The following SGMS1 variants were observed in gnomAD, a reference collection of about 807,000 sequenced individuals.
SGMS1 encodes sphingomyelin synthase 1.
Under a neutral mutation model 46.2 loss-of-function variants are expected in SGMS1, and 13 were observed. The observed-to-expected ratio is 0.28, with a 90% CI of 0.18 to 0.45. The LOEUF is 0.45. Ranked by LOEUF, SGMS1 falls within the 20% of genes least tolerant of loss-of-function variation. The pLI is 1.00. For missense variants in SGMS1, 324 were observed against 519.9 expected, an observed-to-expected ratio of 0.62 and a Z score of 3.66; for synonymous variants, 203 against 187.8, an observed-to-expected ratio of 1.08 and a Z score of -0.66.
intron 6 of SGMS1, among the ~76,000 whole-genome samples, chr10:50,391,074 A>G (rs1848758292): frequency 6.6e-6 from 1 of 152,230 alleles, no homozygotes; most frequent in Non-Finnish European, 1.5e-5. Context: ...CATCTCCAAG[A>G]CCTGGTCAGA....
chr10:50,618,954 ACTTT>A (rs1019682020), intron 1 of SGMS1, among the ~76,000 whole-genome samples: 3 of 152,118 alleles, frequency 2.0e-5, no homozygotes, highest in Non-Finnish European at 4.4e-5. Context: ...TGTGGACCAT[ACTTT>A]AAGAACCACT....
At chr10:50,471,903 T>A (rs1304582238) in intron 3 of SGMS1, among the ~76,000 whole-genome samples, 1 of 152,184 alleles carries the variant, frequency 6.6e-6, no homozygotes, top group Non-Finnish European at 1.5e-5. Flanking sequence ...CCTAGCTTCT[T>A]CGCGGGCAAG....
At chr10:50,489,096 G>C (rs1453683619) in intron 3 of SGMS1, among the ~76,000 whole-genome samples, 1 of 152,222 alleles carries the variant, frequency 6.6e-6, no homozygotes, top group African/African-American at 2.4e-5. Flanking sequence ...GACAAAGAGA[G>C]AGGATGTATT....
intron 8 of SGMS1, among the ~76,000 whole-genome samples, chr10:50,320,994 G>C (rs1278728522): frequency 6.6e-6 from 1 of 152,198 alleles, no homozygotes; most frequent in Non-Finnish European, 1.5e-5. Context: ...CTTATATATT[G>C]TGTGTCCTCA....
intron 2 of SGMS1, among the ~76,000 whole-genome samples, chr10:50,552,654 GC>G (rs1838158194): frequency 6.6e-6 from 1 of 152,174 alleles, no homozygotes; most frequent in Non-Finnish European, 1.5e-5. Flanking sequence ...ATTAATATTT[GC>G]CACTGTAGTA....
At chr10:50,349,817 G>A (rs1447293998) in intron 6 of SGMS1, among the ~76,000 whole-genome samples, 3 of 152,238 alleles carry the variant, frequency 2.0e-5, no homozygotes, top group African/African-American at 7.2e-5. Flanking sequence ...ATGTGGAGCT[G>A]TAAGTCCATT....
chr10:50,564,817 T>G (rs536250930), intron 2 of SGMS1, among the ~76,000 whole-genome samples: 1 of 152,108 alleles, frequency 6.6e-6, no homozygotes, highest in South Asian at 2.1e-4. Context: ...ATTATTATAC[T>G]TTAAGTTTTA....
At position 50,423,890 on chromosome 10, in the gene SGMS1, C is replaced by T. The variant is rs147987843; in HGVS notation, c.-232+9586G>A. Among the ~76,000 whole-genome samples, 1,424 of 152,304 alleles carry T rather than the reference C, an allele frequency of 9.3e-3. 25 individuals carry two copies. Among genetic ancestry groups the T allele is most frequent in the African/African-American group, 0.031 (1,303 of 41,566 alleles). On this transcript the variant is annotated intron_variant, in intron 6 of 10. Coordinates refer to ENST00000361781, the MANE Select transcript of SGMS1 (RefSeq NM_147156.4). ...GAAATTCCATTTAGAACAAGAAAAA[C>T]ATGCTCAATTTAATCCATTTACCGA... is the stretch of plus-strand genomic sequence containing the variant.
chr10:50,469,407 T>C (rs544787158), intron 3 of SGMS1, among the ~76,000 whole-genome samples: 3 of 152,316 alleles, frequency 2.0e-5, no homozygotes, highest in Admixed American at 6.5e-5. Flanking sequence ...CTTCCTTTTA[T>C]GGGATCTAGC....
chr10:50,432,047 C>A (rs1849409613), intron 6 of SGMS1, among the ~76,000 whole-genome samples: 1 of 152,106 alleles, frequency 6.6e-6, no homozygotes, highest in Non-Finnish European at 1.5e-5. Flanking sequence ...AAAACCAAAC[C>A]TTGTTTTTAT....
chr10:50,484,367 T>C (rs920462204), intron 3 of SGMS1, among the ~76,000 whole-genome samples: 5 of 152,242 alleles, frequency 3.3e-5, no homozygotes, highest in African/African-American at 9.6e-5. Context: ...ACTCCCTTAA[T>C]AGACCAATAA....
At chr10:50,542,516 A>G (rs935233157) in intron 2 of SGMS1, among the ~76,000 whole-genome samples, 1 of 151,866 alleles carries the variant, frequency 6.6e-6, no homozygotes. Context: ...CTCTTAAAAA[A>G]AAGTGGTTAA....
chr10:50,511,181 AC>A, intron 3 of SGMS1, among the ~76,000 whole-genome samples: 1 of 152,128 alleles, frequency 6.6e-6, no homozygotes, highest in African/African-American at 2.4e-5. Context: ...AAAATAGCAA[AC>A]AAGAGAACAG....
At chr10:50,366,892 T>C (rs556533917) in intron 6 of SGMS1, among the ~76,000 whole-genome samples, 2 of 152,268 alleles carry the variant, frequency 1.3e-5, no homozygotes, top group African/African-American at 4.8e-5. Flanking sequence ...ATGACATGTG[T>C]ATACATACCT....
intron 8 of SGMS1, among the ~76,000 whole-genome samples, chr10:50,316,538 C>T (rs1173837846): frequency 6.6e-6 from 1 of 152,198 alleles, no homozygotes; most frequent in Non-Finnish European, 1.5e-5. Context: ...TTTCCTTCAG[C>T]AGCCTAGGTA....
At chr10:50,532,225 C>CTCTG (rs1254468159) in intron 2 of SGMS1, among the ~76,000 whole-genome samples, 6 of 130,516 alleles carry the variant, frequency 4.6e-5, no homozygotes, top group African/African-American at 1.8e-4. Context: ...CTGAATGAGA[C>CTCTG]TGTGTGTGTG....
intron 1 of SGMS1, among the ~76,000 whole-genome samples, chr10:50,596,809 C>T (rs1172418000): frequency 6.6e-6 from 1 of 152,132 alleles, no homozygotes. Flanking sequence ...ACTCAACAAC[C>T]CTGAGAGAAC....
intron 2 of SGMS1, among the ~76,000 whole-genome samples, chr10:50,543,744 T>C (rs1346270626): frequency 3.3e-5 from 5 of 152,256 alleles, no homozygotes; most frequent in Non-Finnish European, 7.3e-5. Context: ...CTCAGCTTAA[T>C]TTGGCCCAAT....
chr10:50,396,630 A>C (rs1848852034), intron 6 of SGMS1, among the ~76,000 whole-genome samples: 1 of 152,218 alleles, frequency 6.6e-6, no homozygotes, highest in Admixed American at 6.5e-5. Context: ...CTATAAAAAT[A>C]TGGATACCAT....
Sources: allele counts gnomAD v4.1 joint callset (sites outside exome capture counted in the v4.1 genomes callset), GRCh38; gene constraint gnomAD v4.1.1; transcripts MANE v1.5; gene names NCBI Gene and HGNC (gene_info 2026-07-23, HGNC 2026-07-21).